Variants in ADAMTSL1 observed in about 807,000 individuals in gnomAD.
ADAMTSL1 encodes ADAMTS-like protein 1.
ADAMTSL1 carries 126 observed loss-of-function variants against 201.8 expected under a neutral mutation model. The ratio of observed to expected loss-of-function variants is 0.62; its 90% CI spans 0.54 to 0.72. The LOEUF is 0.72. ADAMTSL1 is among the 30% of genes least tolerant of loss of function. The pLI is 0.00. For synonymous variants in ADAMTSL1, 1,121 were observed against 903.4 expected, an observed-to-expected ratio of 1.24 and a Z score of -4.32; for missense variants, 2,679 against 2,277.8, an observed-to-expected ratio of 1.18 and a Z score of -3.59.
At chr9:18,231,293 G>T (rs1332776583) in intron 2 of ADAMTSL1, among the ~76,000 whole-genome samples, 2 of 151,940 alleles carry the variant, frequency 1.3e-5, no homozygotes, top group African/African-American at 4.8e-5. Context: ...TTCACATCTG[G>T]CTTTCACCCC....
intron 2 of ADAMTSL1, among the ~76,000 whole-genome samples, chr9:18,233,060 C>G (rs971344565): frequency 6.6e-6 from 1 of 152,118 alleles, no homozygotes; most frequent in Non-Finnish European, 1.5e-5. Flanking sequence ...TGCGAGGTTC[C>G]TCAAGCACAG....
chr9:18,091,129 A>C (rs1824000167), intron 1 of ADAMTSL1, among the ~76,000 whole-genome samples: 1 of 152,008 alleles, frequency 6.6e-6, no homozygotes, highest in Non-Finnish European at 1.5e-5. Flanking sequence ...TACTGGATAT[A>C]AATTGGTAGT....
intron 2 of ADAMTSL1, among the ~76,000 whole-genome samples, chr9:18,442,906 G>A (rs990042825): frequency 1.3e-5 from 2 of 152,146 alleles, no homozygotes; most frequent in African/African-American, 4.8e-5. Flanking sequence ...AGCCTTCTAC[G>A]ACCTGCCACA....
intron 2 of ADAMTSL1, among the ~76,000 whole-genome samples, chr9:18,426,040 T>C (rs1388009034): frequency 6.6e-6 from 1 of 152,180 alleles, no homozygotes; most frequent in Admixed American, 6.5e-5. Flanking sequence ...TTCCCCTTTA[T>C]GCTTAGTTTA....
chr9:18,299,734 C>A (rs1833626358), intron 2 of ADAMTSL1, among the ~76,000 whole-genome samples: 1 of 152,160 alleles, frequency 6.6e-6, no homozygotes. Context: ...TTACTGGAAG[C>A]CGCCAAAATA....
At chr9:18,367,061 A>C (rs939591764) in intron 2 of ADAMTSL1, among the ~76,000 whole-genome samples, 3 of 152,088 alleles carry the variant, frequency 2.0e-5, no homozygotes, top group African/African-American at 7.2e-5. Flanking sequence ...CCTCATATCA[A>C]CTGCTCTTGC....
At chr9:18,370,109 G>A (rs1836975009) in intron 2 of ADAMTSL1, among the ~76,000 whole-genome samples, 1 of 151,984 alleles carries the variant, frequency 6.6e-6, no homozygotes, top group African/African-American at 2.4e-5. Context: ...GTGAAAACCT[G>A]TCTCTACTAA....
intron 2 of ADAMTSL1, among the ~76,000 whole-genome samples, chr9:18,173,061 T>A (rs1364533641): frequency 2.0e-5 from 3 of 152,104 alleles, no homozygotes; most frequent in East Asian, 1.9e-4. Context: ...ACTGATTTTT[T>A]AAAAATGATA....
At chr9:18,883,882 G>A (rs1828695004) in intron 23 of ADAMTSL1, among the ~76,000 whole-genome samples, 1 of 152,144 alleles carries the variant, frequency 6.6e-6, no homozygotes, top group Admixed American at 6.5e-5. Context: ...GAACATAGGT[G>A]TACAAATATC....
chr9:18,708,071 A>T (rs2133339291), intron 14 of ADAMTSL1, among the ~76,000 whole-genome samples: 1 of 152,358 alleles, frequency 6.6e-6, no homozygotes, highest in South Asian at 2.1e-4. Context: ...GAGCATGTTG[A>T]GATTCTGTTT....
chr9:18,062,855 C>T (rs1157813956), intron 1 of ADAMTSL1, among the ~76,000 whole-genome samples: 1 of 152,142 alleles, frequency 6.6e-6, no homozygotes, highest in Non-Finnish European at 1.5e-5. Flanking sequence ...TTCCATTAAA[C>T]AGATACTTGC....
intron 22 of ADAMTSL1, among the ~76,000 whole-genome samples, chr9:18,827,266 C>A (rs1471580832): frequency 6.6e-6 from 1 of 151,620 alleles, no homozygotes; most frequent in Non-Finnish European, 1.5e-5. Flanking sequence ...AGCTGTCATT[C>A]TAAGGAAAAA....
At chr9:18,879,148 C>T (rs1828365861) in intron 23 of ADAMTSL1, among the ~76,000 whole-genome samples, 1 of 152,100 alleles carries the variant, frequency 6.6e-6, no homozygotes, top group African/African-American at 2.4e-5. Context: ...TGGCACTTGG[C>T]TTTGTGGGAG....
In ADAMTSL1 at chr9:18,024,101, T is replaced by A. The variant is rs147663668; in HGVS notation, c.87+117179T>A. 5.3e-3 allele frequency among the ~76,000 whole-genome samples: 804 copies of A among 152,238 alleles called. 4 individuals are homozygous for A. Among genetic ancestry groups the A allele is most frequent in the Non-Finnish European group, 8.7e-3 (593 of 67,998 alleles). ...TACATCATGAATTGATCAGATATTTTAAAATATAGTCTACTGCTTTATTTT... is the reference window on the plus strand; with the variant it reads ...TACATCATGAATTGATCAGATATTTAAAAATATAGTCTACTGCTTTATTTT... On this transcript the variant is annotated intron_variant, in intron 1 of 29. Coordinates refer to the ADAMTSL1 transcript ENST00000680146.
At chr9:18,523,061 T>A (rs2132040456) in intron 2 of ADAMTSL1, among the ~76,000 whole-genome samples, 1 of 152,320 alleles carries the variant, frequency 6.6e-6, no homozygotes, top group South Asian at 2.1e-4. Context: ...CCACCAATAG[T>A]GTAAAAGTGT....
chr9:18,720,164 A>G (rs1833246570), intron 14 of ADAMTSL1, among the ~76,000 whole-genome samples: 1 of 152,200 alleles, frequency 6.6e-6, no homozygotes, highest in African/African-American at 2.4e-5. Flanking sequence ...AAAGATCTCC[A>G]GGGAAGTAGA....
intron 13 of ADAMTSL1, among the ~76,000 whole-genome samples, chr9:18,692,277 C>G (rs1259531541): frequency 6.6e-6 from 1 of 152,190 alleles, no homozygotes; most frequent in African/African-American, 2.4e-5. Context: ...CAACCTCTCT[C>G]TACTCTGAGT....
At chr9:18,174,823 G>C (rs1828065181) in intron 2 of ADAMTSL1, among the ~76,000 whole-genome samples, 1 of 152,056 alleles carries the variant, frequency 6.6e-6, no homozygotes, top group South Asian at 2.1e-4. Context: ...TTAAGTAAGA[G>C]AACAATGTCG....
intron 20 of ADAMTSL1, among the ~76,000 whole-genome samples, chr9:18,807,863 T>C (rs1386985092): frequency 6.6e-6 from 1 of 152,198 alleles, no homozygotes; most frequent in Non-Finnish European, 1.5e-5. Flanking sequence ...TCTATGTTTT[T>C]TTCTCCTTAG....
Sources: allele counts gnomAD v4.1 joint callset (sites outside exome capture counted in the v4.1 genomes callset), GRCh38; gene constraint gnomAD v4.1.1; transcripts MANE v1.5; gene names NCBI Gene and HGNC (gene_info 2026-07-23, HGNC 2026-07-21).